MYF5: variants seen among roughly 807,000 people sequenced by gnomAD.
MYF5 encodes the protein myogenic factor 5.
Under a neutral mutation model 22.3 loss-of-function variants are expected in MYF5, and 20 were observed. The ratio of observed to expected loss-of-function variants is 0.90; its 90% CI spans 0.63 to 1.30. The LOEUF (loss-of-function observed/expected upper bound fraction) is 1.30, where lower values mean the gene tolerates loss of function less well. Ranked by LOEUF, MYF5 falls within the 50% of genes most tolerant of loss-of-function variation. MYF5 has a pLI of 0.00. For synonymous variants in MYF5, 141 were observed against 128.4 expected (o/e 1.10, Z -0.66); for missense variants, 348 against 325.9 (o/e 1.07, Z -0.52).
rs1295167528 is a variant in MYF5, at chr12:80,719,009, T to C, written c.726T>C (p.Thr242=). ...CCAGCACCGATTCACAGCCTGCAAC[T>C]CCAGGGGCTTCTAGTTCCAGGCTTA... ...PVASTDSQPA[T]PGASSSRLIY... is the part of the protein sequence containing the mutation. The change falls in exon 3 of 3, where the codon ACT becomes ACC. Residue 242 remains threonine (T), a synonymous_variant. Transcript: ENST00000228644. 6.2e-7 allele frequency: 1 copy of C among 1,614,124 alleles called. No homozygotes were observed. The highest frequency in any genetic ancestry group is 1.3e-5 in the African/African-American group (1 of 75,036).
At chr12:80,718,657 A>T (rs1352765307) in intron 2 of MYF5, among the ~76,000 whole-genome samples, 1 of 152,132 alleles carries the variant, frequency 6.6e-6, no homozygotes, top group East Asian at 1.9e-4. Flanking sequence ...TGTTGCTTGA[A>T]ATATTATCAG....
At position 80,719,089 on chromosome 12, in the gene MYF5, C is replaced by T; in HGVS notation, c.*38C>T. 2 of 1,545,430 alleles carry T rather than the reference C, an allele frequency of 1.3e-6. No homozygotes were observed. The highest frequency in any genetic ancestry group is 1.2e-5 in the South Asian group (1 of 84,356). ...GTCTATATGACTTCTTCCAGGAGGG[C>T]CTAATACACAGGAAGAAGAAGGCTT... On this transcript the variant is annotated 3_prime_UTR_variant, in exon 3 of 3. Coordinates refer to ENST00000228644, the MANE Select transcript of MYF5 (RefSeq NM_005593.3).
chr12:80,718,537 A>T, intron 2 of MYF5, 104 bp downstream of exon 2: 1 of 1,065,848 alleles, frequency 9.4e-7, no homozygotes. Flanking sequence ...GGAGAATGGA[A>T]GTGATGGTTC....
In MYF5 at chr12:80,718,392, G is replaced by A; in HGVS notation, c.536G>A (p.Ser179Asn). 1.2e-6 allele frequency: 2 copies of A among 1,614,108 alleles called. No individual in the cohort carries two copies. The highest frequency in any genetic ancestry group is 1.7e-6 in the Non-Finnish European group (2 of 1,179,948). ...ECNSPVWSRK[S>N]STFDSIYCPD... is the part of the protein sequence containing the mutation. ...AACAGTCCTGTCTGGTCCAGAAAGA[G>A]CAGTACTTTTGACAGCATCTACTGT... The change falls in exon 2 of 3, where the codon AGC becomes AAC. Residue 179 changes from serine (S) to asparagine (N), a missense_variant. Ser to Asn is a conservative substitution (Grantham distance 46). Transcript: ENST00000228644.
At position 80,717,472 on chromosome 12, in the gene MYF5, T is replaced by G. The variant is rs777615704; in HGVS notation, c.409T>G (p.Leu137Val). Reference sequence around the variant, plus strand: ...CCGCTACATCGAGAGCCTGCAGGAGTTGCTGAGAGAGCAGGTGGAGAACTA... The same window carrying G: ...CCGCTACATCGAGAGCCTGCAGGAGGTGCTGAGAGAGCAGGTGGAGAACTA... ...AIRYIESLQE[L>V]LREQVENYYS... The change falls in exon 1 of 3, where the codon TTG (leucine) becomes GTG (valine). Residue 137 changes from leucine (L) to valine (V), a missense_variant. By Grantham distance (32) the Leu-to-Val change is conservative. Transcript: ENST00000228644. The G allele has an allele frequency of 2.5e-6, 4 of 1,613,280 alleles. No homozygotes were observed. The highest frequency in any genetic ancestry group is 1.3e-5 in the African/African-American group (1 of 74,638).
At position 80,716,938 on chromosome 12, in the gene MYF5, G is replaced by A; in HGVS notation, c.-126G>A. On this transcript the variant is annotated 5_prime_UTR_variant, in exon 1 of 3. Coordinates refer to ENST00000228644, the MANE Select transcript of MYF5 (RefSeq NM_005593.3). Reference sequence around the variant, plus strand: ...CCCAGGCCAACAGGCGTCTGCCCTTGTTAATTACCGGAGCGACAGACTAGG... The same window carrying A: ...CCCAGGCCAACAGGCGTCTGCCCTTATTAATTACCGGAGCGACAGACTAGG... 1.3e-5 allele frequency: 16 copies of A among 1,212,594 alleles called. No individual in the cohort carries two copies. In the South Asian group the frequency reaches 2.4e-4, roughly 18 times the overall value. 75.1% of individuals were successfully genotyped at this position (1,212,594 alleles called of 1,614,324 possible). A position where few individuals can be genotyped will look rare whatever the true frequency, so the allele number is the denominator to read the frequency against.
chr12:80,716,979 T>G lies in MYF5; in HGVS notation c.-85T>G. The G allele has an allele frequency of 6.7e-7, 1 of 1,499,934 alleles. No homozygotes were observed. The highest frequency in any genetic ancestry group is 8.9e-7 in the Non-Finnish European group (1 of 1,117,550). The allele number at this position is 1,499,934 out of a possible 1,614,324, so 92.9% of individuals were successfully genotyped here. A position where few individuals can be genotyped will look rare whatever the true frequency, so the allele number is the denominator to read the frequency against. ...ACAGACTAGGGAGCTCCGCCCGGGA[T>G]TTGCCCATCGGCGGAGGCGCCAGGC... On this transcript the variant is annotated 5_prime_UTR_variant, in exon 1 of 3. Transcript: ENST00000228644.
In MYF5 at chr12:80,718,893, T is replaced by C; in HGVS notation, c.610T>C (p.Leu204=). ...CACAGATAAAAACTCCTTATCCAGC[T>C]TGGATTGCTTATCCAACATAGTGGA... ...YATDKNSLSS[L]DCLSNIVDRI... is the part of the protein sequence containing the mutation. The change falls in exon 3 of 3, where the codon TTG becomes CTG. Residue 204 remains leucine (L), a synonymous_variant. Coordinates refer to ENST00000228644, the MANE Select transcript of MYF5 (RefSeq NM_005593.3). 10 of 1,614,032 alleles carry C rather than the reference T, an allele frequency of 6.2e-6. No individual in the cohort carries two copies. The highest frequency in any genetic ancestry group is 8.5e-6 in the Non-Finnish European group (10 of 1,179,932).
chr12:80,718,345 T>C lies in MYF5; in HGVS notation c.502-13T>C, dbSNP rs1347359369. Reference sequence around the variant, plus strand: ...ACCTGAAAACAAACTTTGTTGTGTGTCTTGTATTATAGCCCGAATGTAACA... The same window carrying C: ...ACCTGAAAACAAACTTTGTTGTGTGCCTTGTATTATAGCCCGAATGTAACA... On this transcript the variant is annotated splice_polypyrimidine_tract_variant and intron_variant, in intron 1 of 2. Transcript: ENST00000228644. 2.5e-6 allele frequency: 4 copies of C among 1,612,752 alleles called. No individual in the cohort carries two copies. The Admixed American group carries it at 6.7e-5, about 27-fold the overall frequency.
At position 80,717,223 on chromosome 12, in the gene MYF5, C is replaced by T; in HGVS notation, c.160C>T (p.His54Tyr). 2 of 1,614,078 alleles carry T rather than the reference C, an allele frequency of 1.2e-6. No individual in the cohort carries two copies. The highest frequency in any genetic ancestry group is 1.1e-5 in the South Asian group (1 of 91,074). ...GCTGCAGGGCTCAGATGAGGACGAG[C>T]ACGTGCGAGCGCCTACCGGCCACCA... ...AELQGSDEDE[H>Y]VRAPTGHHQA... Residue 54 changes from histidine (H) to tyrosine (Y), a missense_variant, in exon 1 of 3, where the codon CAC (histidine) becomes TAC (tyrosine). His to Tyr is a moderately conservative substitution (Grantham distance 83). Transcript: ENST00000228644.
chr12:80,717,609 T>C, intron 1 of MYF5, 45 bp downstream of exon 1: 1 of 1,585,416 alleles, frequency 6.3e-7, no homozygotes, highest in African/African-American at 1.3e-5. Flanking sequence ...TAATCTTTTC[T>C]AAAGTCCTTA....
Position 80,717,497 on chromosome 12 carries a change from A to G in MYF5, c.434A>G (p.Tyr145Cys). Reference protein sequence around the residue: ...QELLREQVENYYSLPGQSCSE... With the variant: ...QELLREQVENCYSLPGQSCSE... The stretch of plus-strand genomic sequence containing the variant: ...TTGCTGAGAGAGCAGGTGGAGAACT[A>G]CTATAGCCTGCCGGGACAGAGCTGC... The change falls in exon 1 of 3, where the codon TAC (tyrosine) becomes TGC (cysteine). Residue 145 changes from tyrosine (Y) to cysteine (C), a missense_variant. Tyr to Cys is a radical substitution (Grantham distance 194). Coordinates refer to ENST00000228644, the MANE Select transcript of MYF5 (RefSeq NM_005593.3). 1 of 1,614,118 alleles carries G rather than the reference A, an allele frequency of 6.2e-7. No individual in the cohort carries two copies. The highest frequency in any genetic ancestry group is 1.1e-5 in the South Asian group (1 of 91,072).
Position 80,718,943 on chromosome 12 carries a change from TG to T in MYF5, c.663del (p.Leu222CysfsTer42). The T allele has an allele frequency of 6.2e-7, 1 of 1,614,090 alleles. No individual in the cohort carries two copies. Among genetic ancestry groups the T allele is most frequent in the Non-Finnish European group, 8.5e-7 (1 of 1,179,962 alleles). On this transcript the variant is annotated frameshift_variant, in exon 3 of 3. Transcript: ENST00000228644. LOFTEE classifies it high-confidence loss of function. ...ACCGGATCACCTCCTCAGAGCAACCTGGGTTGCCTCTCCAGGATCTGGCTTC... is the reference window on the plus strand; with the variant it reads ...ACCGGATCACCTCCTCAGAGCAACCTGGTTGCCTCTCCAGGATCTGGCTTC... ...VDRITSSEQP[G>X]LPLQDLASLS...
chr12:80,719,072 G>T lies in MYF5; in HGVS notation c.*21G>T, dbSNP rs569990708. 3 of 1,606,820 alleles carry T rather than the reference G, an allele frequency of 1.9e-6. No homozygotes were observed. Among genetic ancestry groups the T allele is most frequent in the South Asian group, 2.2e-5 (2 of 90,408 alleles). ...TATGAACTAATTTTCTGGTCTATAT[G>T]ACTTCTTCCAGGAGGGCCTAATACA... On this transcript the variant is annotated 3_prime_UTR_variant, in exon 3 of 3. Transcript: ENST00000228644.
intron 1 of MYF5, among the ~76,000 whole-genome samples, chr12:80,718,110 C>A (rs1868652263): frequency 6.6e-6 from 1 of 152,174 alleles, no homozygotes; most frequent in South Asian, 2.1e-4. Context: ...GCATGGTTAA[C>A]CCAATGCACA....
At position 80,718,443 on chromosome 12, in the gene MYF5, G is replaced by A. The variant is rs1471459040; in HGVS notation, c.577+10G>A. 3.7e-6 allele frequency: 6 copies of A among 1,604,530 alleles called. No homozygotes were observed. The African/African-American group carries it at 5.4e-5, about 14-fold the overall frequency. Reference sequence around the variant, plus strand: ...CCTGATGTATCAAATGGTAAGAATTGATAACTTCACAGGAGTTTAAAGACC... The same window carrying A: ...CCTGATGTATCAAATGGTAAGAATTAATAACTTCACAGGAGTTTAAAGACC... On this transcript the variant is annotated intron_variant, in intron 2 of 2. Coordinates refer to ENST00000228644, the MANE Select transcript of MYF5 (RefSeq NM_005593.3).
intron 1 of MYF5, among the ~76,000 whole-genome samples, 184 bp from the exon 2 acceptor site, chr12:80,718,174 A>G (rs1276998242): frequency 1.3e-5 from 2 of 152,120 alleles, no homozygotes; most frequent in Non-Finnish European, 2.9e-5. Context: ...CTCTTCTTCA[A>G]GCACAGAGAT....
rs746622506 is a variant in MYF5, at chr12:80,717,568, A to G, written c.501+4A>G. The stretch of plus-strand genomic sequence containing the variant: ...CTCCAACTGCTCTGATGGCATGGTA[A>G]GCAATAGATCTGGTACCTGCTAGGC... On this transcript the variant is annotated splice_donor_region_variant and intron_variant, in intron 1 of 2. Coordinates refer to ENST00000228644, the MANE Select transcript of MYF5 (RefSeq NM_005593.3). The G allele has an allele frequency of 3.1e-6, 5 of 1,613,152 alleles. No homozygotes were observed. The Admixed American group carries it at 8.3e-5, about 27-fold the overall frequency.
Position 80,719,150 on chromosome 12 carries a change from G to T in MYF5, c.*99G>T, listed in dbSNP as rs1868686293. On this transcript the variant is annotated 3_prime_UTR_variant, in exon 3 of 3. Coordinates refer to ENST00000228644, the MANE Select transcript of MYF5 (RefSeq NM_005593.3). ...CAAACCAAGACAACATGTACATAAAGATTTCTTTTCAGTTGTAAATTTGTA... is the reference window on the plus strand; with the variant it reads ...CAAACCAAGACAACATGTACATAAATATTTCTTTTCAGTTGTAAATTTGTA... 5.1e-6 allele frequency: 5 copies of T among 988,068 alleles called. No homozygotes were observed. The highest frequency in any genetic ancestry group is 3.3e-5 in the African/African-American group (2 of 60,642). 61.2% of individuals were successfully genotyped at this position (988,068 alleles called of 1,614,324 possible).
Sources: gnomAD v4.1 joint callset for allele counts (sites outside exome capture counted in the v4.1 genomes callset) on GRCh38, gnomAD v4.1.1 for gene constraint, MANE v1.5 for transcripts, NCBI Gene and HGNC (gene_info 2026-07-23, HGNC 2026-07-21) for gene names.